UNC5D: variants seen among roughly 807,000 people sequenced by gnomAD.
UNC5D encodes unc-5 netrin receptor D.
A neutral mutation model predicts 105.4 loss-of-function variants in UNC5D; 39 were observed. The observed-to-expected ratio is 0.37, with a 90% CI of 0.29 to 0.48. UNC5D has a LOEUF of 0.48. UNC5D is among the 20% of genes least tolerant of loss of function. The pLI, the probability that UNC5D is intolerant of heterozygous loss-of-function variation, is 0.98. For missense variants in UNC5D, 991 were observed against 1,202.4 expected, an observed-to-expected ratio of 0.82 and a Z score of 2.60; for synonymous variants, 452 against 450.4, an observed-to-expected ratio of 1.00 and a Z score of -0.04.
chr8:35,293,055 A>C (rs2091566), intron 1 of UNC5D, among the ~76,000 whole-genome samples: 124,555 of 151,950 alleles, frequency 0.82, 51,515 homozygotes, highest in East Asian at 1. Context: ...AAGGAAAATA[A>C]AATATATTTA....
At chr8:35,472,415 G>A (rs1251693812) in intron 1 of UNC5D, among the ~76,000 whole-genome samples, 1 of 151,736 alleles carries the variant, frequency 6.6e-6, no homozygotes, top group East Asian at 1.9e-4. Flanking sequence ...TGGAGTGGGA[G>A]GAAGGTACAA....
chr8:35,280,852 T>G (rs1806100710), intron 1 of UNC5D, among the ~76,000 whole-genome samples: 1 of 152,178 alleles, frequency 6.6e-6, no homozygotes, highest in Non-Finnish European at 1.5e-5. Context: ...AGATTAATCT[T>G]TCTAATGCTC....
chr8:35,371,283 A>C (rs546874234), intron 1 of UNC5D, among the ~76,000 whole-genome samples: 141 of 152,240 alleles, frequency 9.3e-4, no homozygotes, highest in African/African-American at 3.3e-3. Context: ...CATATGCTTC[A>C]TTGGATTGCC....
chr8:35,460,616 T>C (rs1304473555), intron 1 of UNC5D, among the ~76,000 whole-genome samples: 1 of 152,238 alleles, frequency 6.6e-6, no homozygotes, highest in Non-Finnish European at 1.5e-5. Flanking sequence ...GCATGTTTTA[T>C]TTATCACTCC....
In UNC5D at chr8:35,530,824, T is replaced by A. The variant is rs1333337854; in HGVS notation, c.104-18468T>A. 5.5e-5 allele frequency among the ~76,000 whole-genome samples: 8 copies of A among 146,296 alleles called. No individual in the cohort carries two copies. The East Asian group carries it at 1.6e-3, about 29-fold the overall frequency. On this transcript the variant is annotated intron_variant, in intron 1 of 16. Coordinates refer to ENST00000404895, the MANE Select transcript of UNC5D (RefSeq NM_080872.4). ...ATCCATTTCTTCTAGATTTTCTAGT[T>A]TATTTGCATAGAGGTGTTTGTAATA...
intron 16 of UNC5D, 105 bp downstream of exon 16, chr8:35,774,582 G>C: frequency 7.2e-7 from 1 of 1,393,530 alleles, no homozygotes; most frequent in Admixed American, 2.2e-5. Context: ...ATTTTTATGA[G>C]TTCCTCTGGC....
intron 7 of UNC5D, among the ~76,000 whole-genome samples, chr8:35,695,714 T>TA (rs1467866426): frequency 1.7e-5 from 2 of 119,234 alleles, no homozygotes; most frequent in African/African-American, 9.4e-5. Context: ...TTTTATATTA[T>TA]TTATTTATTT....
intron 1 of UNC5D, among the ~76,000 whole-genome samples, chr8:35,387,766 A>C (rs555798754): frequency 5.3e-5 from 8 of 152,280 alleles, no homozygotes; most frequent in Admixed American, 3.3e-4. Context: ...TTAGGAGTAC[A>C]GGTATTTAGA....
At chr8:35,241,193 G>A (rs535441754) in intron 1 of UNC5D, among the ~76,000 whole-genome samples, 4 of 152,282 alleles carry the variant, frequency 2.6e-5, no homozygotes, top group Admixed American at 1.3e-4. Flanking sequence ...ATAGATATTC[G>A]TTCTATTTTG....
intron 1 of UNC5D, among the ~76,000 whole-genome samples, chr8:35,386,507 C>T (rs1478267583): frequency 6.6e-6 from 1 of 151,966 alleles, no homozygotes; most frequent in Non-Finnish European, 1.5e-5. Flanking sequence ...AAAGGGAAAT[C>T]GACTAAAAGC....
intron 1 of UNC5D, among the ~76,000 whole-genome samples, chr8:35,418,065 G>T (rs1431285760): frequency 6.6e-6 from 1 of 152,010 alleles, no homozygotes; most frequent in Admixed American, 6.6e-5. Context: ...CCTTTTTGCA[G>T]ACCCTGAGCC....
chr8:35,587,965 A>ATATATATATATATATATAT lies in UNC5D; in HGVS notation c.467-7589_467-7588insTATATATATATATATATAT, dbSNP rs141049814. ...TTAGGGTTTTTCCTATAACTATAAT[A>ATATATATATATATATATAT]ATATATATATATATATATATATATA... On this transcript the variant is annotated intron_variant, in intron 3 of 16. Coordinates refer to ENST00000404895, the MANE Select transcript of UNC5D (RefSeq NM_080872.4). 3.8e-5 allele frequency among the ~76,000 whole-genome samples: 4 copies of ATATATATATATATATATAT among 105,116 alleles called. No individual in the cohort carries two copies. The Admixed American group carries it at 4.6e-4, about 12-fold the overall frequency. 69.0% of individuals were successfully genotyped at this position (105,116 alleles called of 152,430 possible).
chr8:35,741,016 T>C (rs1234386922), intron 11 of UNC5D, among the ~76,000 whole-genome samples: 2 of 152,120 alleles, frequency 1.3e-5, no homozygotes, highest in Non-Finnish European at 2.9e-5. Flanking sequence ...TCTTCTCCCA[T>C]CCTCCTCACT....
intron 1 of UNC5D, among the ~76,000 whole-genome samples, chr8:35,499,947 A>G (rs1288754844): frequency 6.6e-6 from 1 of 152,188 alleles, no homozygotes; most frequent in Non-Finnish European, 1.5e-5. Flanking sequence ...CTGACACTCT[A>G]ATTGGATTCT....
intron 7 of UNC5D, among the ~76,000 whole-genome samples, chr8:35,704,862 A>C (rs1036117349): frequency 6.6e-6 from 1 of 151,900 alleles, no homozygotes; most frequent in Non-Finnish European, 1.5e-5. Context: ...GATTATTTTA[A>C]TGATGGGAGA....
intron 1 of UNC5D, among the ~76,000 whole-genome samples, chr8:35,546,768 T>C (rs545010443): frequency 6.6e-6 from 1 of 152,308 alleles, no homozygotes; most frequent in South Asian, 2.1e-4. Flanking sequence ...TGTGATTTAT[T>C]TTATGAAATC....
At chr8:35,645,259 G>A (rs1822978806) in intron 4 of UNC5D, among the ~76,000 whole-genome samples, 1 of 152,038 alleles carries the variant, frequency 6.6e-6, no homozygotes, top group Non-Finnish European at 1.5e-5. Context: ...CTTTCAAATG[G>A]GTGACAGATC....
chr8:35,440,685 A>G (rs1807336510), intron 1 of UNC5D, among the ~76,000 whole-genome samples: 1 of 151,916 alleles, frequency 6.6e-6, no homozygotes, highest in Non-Finnish European at 1.5e-5. Context: ...TTTATTTTAG[A>G]CATGAATATT....
intron 13 of UNC5D, among the ~76,000 whole-genome samples, chr8:35,752,624 T>C (rs1241608330): frequency 1.3e-5 from 2 of 152,116 alleles, no homozygotes; most frequent in African/African-American, 4.8e-5. Context: ...CCATTGTCAT[T>C]TAATACTCTT....
Sources: gnomAD v4.1 joint callset for allele counts (sites outside exome capture counted in the v4.1 genomes callset) on GRCh38, gnomAD v4.1.1 for gene constraint, MANE v1.5 for transcripts, NCBI Gene and HGNC (gene_info 2026-07-23, HGNC 2026-07-21) for gene names.